TNR: variants seen among roughly 807,000 people sequenced by gnomAD.
TNR encodes the protein tenascin R, also known as tenascin-R.
In TNR, 45 loss-of-function variants were observed where a neutral mutation model predicts 150.4. The ratio of observed to expected loss-of-function variants is 0.30; its 90% CI spans 0.24 to 0.38. The LOEUF is 0.38. Among genes scored for constraint, TNR ranks in the 10% least tolerant of loss-of-function variants. The pLI is 1.00. For synonymous variants in TNR, 687 were observed against 678.4 expected, an observed-to-expected ratio of 1.01 and a Z score of -0.20; for missense variants, 1,544 against 1,759.1, an observed-to-expected ratio of 0.88 and a Z score of 2.19.
chr1:175,436,713 A>G (rs962763830), intron 2 of TNR, among the ~76,000 whole-genome samples: 8 of 152,222 alleles, frequency 5.3e-5, no homozygotes, highest in Non-Finnish European at 1.2e-4. Context: ...AAACCAAAAA[A>G]AGGCAGGGGT....
At chr1:175,514,802 C>T (rs922297056) in intron 2 of TNR, among the ~76,000 whole-genome samples, 1 of 152,216 alleles carries the variant, frequency 6.6e-6, no homozygotes, top group Non-Finnish European at 1.5e-5. Flanking sequence ...CAGGCGACCA[C>T]AGCTCTGTGA....
chr1:175,394,660 C>T (rs1164265988), intron 5 of TNR, among the ~76,000 whole-genome samples: 1 of 152,174 alleles, frequency 6.6e-6, no homozygotes, highest in Non-Finnish European at 1.5e-5. Context: ...AAGCCTGCTC[C>T]CATTTTAGCT....
Position 175,339,494 on chromosome 1 carries a change from T to C in TNR, c.3383-1815A>G, listed in dbSNP as rs1322048056. ...CTACAGTTACATTTCAGGAGACAGG[T>C]GTGAGCTGTCTCTGTCTCCTTCCCT... On this transcript the variant is annotated intron_variant, in intron 18 of 22. Coordinates refer to ENST00000367674, the MANE Select transcript of TNR (RefSeq NM_003285.3). Among the ~76,000 whole-genome samples the C allele has an allele frequency of 3.3e-5, 5 of 152,296 alleles. No individual in the cohort carries two copies. The South Asian group carries it at 8.3e-4, about 25-fold the overall frequency.
chr1:175,366,013 C>A lies in TNR; in HGVS notation c.2179G>T (p.Ala727Ser). ...RITFTPSSGI[A>S]SEVTVPKDRT... The stretch of plus-strand genomic sequence containing the variant: ...TCCTTGGGTACGGTGACTTCTGAGG[C>A]AATCCCAGAGGATGGGGTAAAGGTA... Residue 727 changes from alanine (A) to serine (S), a missense_variant, in exon 11 of 23, where the codon GCC becomes TCC. Physicochemically the swap from Ala to Ser is moderately conservative, Grantham distance 99. Coordinates refer to ENST00000367674, the MANE Select transcript of TNR (RefSeq NM_003285.3). 1 of 1,614,116 alleles carries A rather than the reference C, an allele frequency of 6.2e-7. No homozygotes were observed.
At chr1:175,426,826 AT>A (rs1273640481) in intron 2 of TNR, among the ~76,000 whole-genome samples, 1,865 of 116,696 alleles carry the variant, frequency 0.016, 137 homozygotes, top group African/African-American at 0.06. Flanking sequence ...ATAAATATAT[AT>A]AAAATATATT....
chr1:175,368,514 T>G (rs2102016349), intron 9 of TNR, among the ~76,000 whole-genome samples: 1 of 152,338 alleles, frequency 6.6e-6, no homozygotes, highest in East Asian at 1.9e-4. Flanking sequence ...TCTCAAGATC[T>G]TTAACTTAAT....
intron 1 of TNR, among the ~76,000 whole-genome samples, chr1:175,731,893 CT>C (rs1224091578): frequency 6.6e-6 from 1 of 152,218 alleles, no homozygotes; most frequent in Non-Finnish European, 1.5e-5. Flanking sequence ...TGCATCTCCT[CT>C]GGTAGGAATC....
intron 1 of TNR, among the ~76,000 whole-genome samples, chr1:175,547,571 AAGAAAGAAAG>A (rs1268309560): frequency 2.8e-5 from 1 of 36,240 alleles, no homozygotes; most frequent in Non-Finnish European, 6.1e-5. Context: ...GAAGGAAAGA[AAGAAAGAAAG>A]AAAGAAAGAA....
intron 1 of TNR, among the ~76,000 whole-genome samples, chr1:175,687,675 G>A (rs919268379): frequency 3.3e-5 from 5 of 151,640 alleles, no homozygotes; most frequent in African/African-American, 7.3e-5. Flanking sequence ...TTTTCTTTTC[G>A]AAAGACAATA....
At chr1:175,584,447 C>T (rs1662485966) in intron 1 of TNR, among the ~76,000 whole-genome samples, 1 of 152,164 alleles carries the variant, frequency 6.6e-6, no homozygotes. Flanking sequence ...TGGACTTGGA[C>T]TTCTGGCTTG....
chr1:175,524,111 CCT>C (rs1346022408), intron 2 of TNR, among the ~76,000 whole-genome samples: 1 of 152,126 alleles, frequency 6.6e-6, no homozygotes, highest in East Asian at 1.9e-4. Context: ...TCCCACCCTG[CCT>C]CTCTATAGTG....
rs1312281973 is a variant in TNR, at chr1:175,377,445, T to C, written c.1963+2107A>G. On this transcript the variant is annotated intron_variant, in intron 9 of 22. Transcript: ENST00000367674. ...GCTGCGCTTAGAATCAGTTCCCTCC[T>C]GTATCATTTCAGGGTTTTTTTTTTT... 2.0e-5 allele frequency among the ~76,000 whole-genome samples: 3 copies of C among 147,448 alleles called. No homozygotes were observed. In the East Asian group the frequency reaches 6.0e-4, roughly 30 times the overall value.
rs1167213870 is a variant in TNR, at chr1:175,365,095, C to A, written c.2502G>T (p.Leu834=). The change falls in exon 12 of 23, where the codon CTG becomes CTT. Residue 834 remains leucine (L), a synonymous_variant. Transcript: ENST00000367674. ...ATKRHAVLMG[L]QPATEYIVNL... ...TCACAATATACTCTGTGGCTGGTTG[C>A]AGGCCCATCAGGACAGCATGCCTCT... The A allele has an allele frequency of 6.2e-7, 1 of 1,614,086 alleles. No homozygotes were observed. Among genetic ancestry groups the A allele is most frequent in the Middle Eastern group, 1.6e-4 (1 of 6,062 alleles).
chr1:175,447,253 C>T (rs1571452946), intron 2 of TNR, among the ~76,000 whole-genome samples: 2 of 152,048 alleles, frequency 1.3e-5, no homozygotes, highest in South Asian at 4.1e-4. Context: ...AGGCCTGGTC[C>T]CTTCCTAGTC....
chr1:175,428,585 G>C (rs370960366), intron 2 of TNR, among the ~76,000 whole-genome samples: 13 of 152,176 alleles, frequency 8.5e-5, no homozygotes, highest in African/African-American at 2.9e-4. Flanking sequence ...GGGAGGTTAA[G>C]TAAATTGTTC....
chr1:175,386,235 A>G lies in TNR; in HGVS notation c.1574T>C (p.Ile525Thr). The change falls in exon 8 of 23, where the codon ATT becomes ACT. Residue 525 changes from isoleucine to threonine, a missense_variant. Ile to Thr is a moderately conservative substitution (Grantham distance 89). This residue lies in a region of TNR where 1,254 missense variants were observed against 1,329.4 expected (regional missense o/e 0.94). Coordinates refer to ENST00000367674, the MANE Select transcript of TNR (RefSeq NM_003285.3). ...GAAATCGACTTTGGCTCGAGGGGGA[A>G]TCCACTCCACAAAAGCCACAGTGTC... Reference protein sequence around the residue: ...VSDTVAFVEWIPPRAKVDFIL... With the variant: ...VSDTVAFVEWTPPRAKVDFIL... 3 of 1,607,004 alleles carry G rather than the reference A, an allele frequency of 1.9e-6. No homozygotes were observed. Among genetic ancestry groups the G allele is most frequent in the Non-Finnish European group, 2.6e-6 (3 of 1,174,330 alleles).
chr1:175,400,662 A>G (rs1653664088), intron 4 of TNR, among the ~76,000 whole-genome samples: 1 of 152,172 alleles, frequency 6.6e-6, no homozygotes, highest in South Asian at 2.1e-4. Flanking sequence ...CCCTTGCCAA[A>G]GAGAAAAGAA....
intron 2 of TNR, among the ~76,000 whole-genome samples, chr1:175,523,415 T>C (rs1202118261): frequency 6.6e-6 from 1 of 152,242 alleles, no homozygotes; most frequent in African/African-American, 2.4e-5. Flanking sequence ...AATAACCTTT[T>C]CTTCGGCTCT....
intron 1 of TNR, among the ~76,000 whole-genome samples, chr1:175,584,228 A>G (rs1267211954): frequency 6.6e-6 from 1 of 152,162 alleles, no homozygotes; most frequent in Non-Finnish European, 1.5e-5. Flanking sequence ...TCCTTATCAA[A>G]AGGGGGAATT....
Sources: gnomAD v4.1 joint callset for allele counts (sites outside exome capture counted in the v4.1 genomes callset) on GRCh38, gnomAD v4.1.1 for gene constraint, gnomAD v4.1.1 regional missense constraint, MANE v1.5 for transcripts, NCBI Gene and HGNC (gene_info 2026-07-23, HGNC 2026-07-21) for gene names.